Variants in LUZP4 observed in about 807,000 individuals in gnomAD.
LUZP4 encodes the protein leucine zipper protein 4, also known as HOM-TES-85 tumor antigen.
In LUZP4, 11 loss-of-function variants were observed where a neutral mutation model predicts 8.5. That is an observed-to-expected ratio of 1.30 (90% CI 0.82 to 2.14). The LOEUF (loss-of-function observed/expected upper bound fraction) is 2.14, where lower values mean the gene tolerates loss of function less well. LUZP4 is among the 30% of genes most tolerant of loss of function. The pLI is 0.00. For missense variants in LUZP4, 276 were observed against 229.7 expected (o/e 1.20, Z -1.30); for synonymous variants, 104 against 79.4 (o/e 1.31, Z -1.65).
chrX:115,300,718 G>A (rs1257158150), intron 1 of LUZP4, among the ~76,000 whole-genome samples: 1 of 111,218 alleles, frequency 9.0e-6, no homozygotes, highest in Non-Finnish European at 1.9e-5. Context: ...TAAATTCAAT[G>A]CCTCATGATT....
intron 1 of LUZP4, among the ~76,000 whole-genome samples, chrX:115,299,141 T>C (rs948100788): frequency 9.0e-6 from 1 of 111,426 alleles, no homozygotes; most frequent in Non-Finnish European, 1.9e-5. Flanking sequence ...TATTTTCTCC[T>C]AAACAAACAG....
intron 1 of LUZP4, 112 bp from the exon 2 acceptor site, chrX:115,301,880 C>A: frequency 2.6e-6 from 1 of 391,855 alleles, no homozygotes; most frequent in Non-Finnish European, 4.2e-6. Context: ...ATTTTTAGGG[C>A]TACCAGTTTT....
Position 115,306,635 on chromosome X carries a change from A to T in LUZP4, c.773A>T (p.Asp258Val). 1.7e-6 allele frequency: 2 copies of T among 1,210,830 alleles called. No homozygotes were observed. Among genetic ancestry groups the T allele is most frequent in the South Asian group, 3.5e-5 (2 of 56,906 alleles). The change falls in exon 4 of 4, where the codon GAT (aspartate) becomes GTT (valine). Residue 258 changes from aspartate (D) to valine (V), a missense_variant. Physicochemically the swap from Asp to Val is radical, Grantham distance 152. Coordinates refer to ENST00000371920, the MANE Select transcript of LUZP4 (RefSeq NM_016383.5). ...AGAGATCTCATAGCCACTCAGAAAG[A>T]TCTCATAGCCACTCAGAGAGATCTC... ...TQRDLIATQK[D>V]LIATQRDLIA...
chrX:115,304,551 G>C (rs2073411542), intron 3 of LUZP4, among the ~76,000 whole-genome samples: 1 of 111,004 alleles, frequency 9.0e-6, no homozygotes, highest in Non-Finnish European at 1.9e-5. Context: ...TCATTCTGTT[G>C]CGCAGGCTGG....
At chrX:115,292,435 T>C (rs1490064873) in intron 1 of LUZP4, among the ~76,000 whole-genome samples, 21 of 111,730 alleles carry the variant, frequency 1.9e-4, no homozygotes, top group African/African-American at 6.5e-4. Context: ...AGTTCATTGC[T>C]GGTATATGTA....
intron 1 of LUZP4, among the ~76,000 whole-genome samples, chrX:115,299,786 C>T (rs188260146): frequency 2.4e-4 from 27 of 111,495 alleles, no homozygotes; most frequent in African/African-American, 7.8e-4. Context: ...TTCTACCCTT[C>T]TGTAGCTGTG....
At chrX:115,300,364 A>G (rs782786428) in intron 1 of LUZP4, among the ~76,000 whole-genome samples, 5 of 112,694 alleles carry the variant, frequency 4.4e-5, no homozygotes, top group South Asian at 3.7e-4. Context: ...CACATAAAAT[A>G]CACTAACATT....
chrX:115,306,611 G>A lies in LUZP4; in HGVS notation c.749G>A (p.Arg250Lys), dbSNP rs181976775. The A allele has an allele frequency of 3.7e-4, 443 of 1,206,372 alleles. No homozygotes were observed. Among genetic ancestry groups the A allele is most frequent in the Admixed American group, 1.5e-3 (69 of 45,377 alleles). ...DTQSDLIATQ[R>K]DLIATQKDLI... ...CAGAGTGATCTCATAGCCACTCAGA[G>A]AGATCTCATAGCCACTCAGAAAGAT... Residue 250 changes from arginine to lysine, a missense_variant, in exon 4 of 4, where the codon AGA becomes AAA. Transcript: ENST00000371920.
In LUZP4 at chrX:115,306,994, A is replaced by G. The variant is rs2073426651; in HGVS notation, c.*190A>G. 2 of 452,251 alleles carry G rather than the reference A, an allele frequency of 4.4e-6. No homozygotes were observed. Among genetic ancestry groups the G allele is most frequent in the Non-Finnish European group, 7.5e-6 (2 of 267,914 alleles). 37.3% of individuals were successfully genotyped at this position (452,251 alleles called of 1,213,427 possible). The stretch of plus-strand genomic sequence containing the variant: ...CTAAGCTATCATCCAGTTACCCAGG[A>G]TGTCCCATTAAGTTGTTCCCGGTAG... On this transcript the variant is annotated 3_prime_UTR_variant, in exon 4 of 4. Coordinates refer to ENST00000371920, the MANE Select transcript of LUZP4 (RefSeq NM_016383.5).
intron 1 of LUZP4, among the ~76,000 whole-genome samples, chrX:115,293,945 C>T (rs782250513): frequency 1.2e-4 from 13 of 104,001 alleles, no homozygotes; most frequent in African/African-American, 4.1e-4. Context: ...AACTAGACTC[C>T]GTCTCAAAAA....
rs189249069 is a variant in LUZP4 at position 115,298,346 on chromosome X, C to T, written c.92-3646C>T. 8.0e-5 allele frequency among the ~76,000 whole-genome samples: 9 copies of T among 112,649 alleles called. No individual in the cohort carries two copies. In the East Asian group the frequency reaches 2.0e-3, roughly 25 times the overall value. On this transcript the variant is annotated intron_variant, in intron 1 of 3. Coordinates refer to ENST00000371920, the MANE Select transcript of LUZP4 (RefSeq NM_016383.5). ...CCTCCCAAAATGCTGGGAATACAGG[C>T]GTAAGCCACCACTCCCAACCCCTTT...
intron 1 of LUZP4, among the ~76,000 whole-genome samples, chrX:115,296,097 T>A (rs782202921): frequency 4.5e-5 from 5 of 112,134 alleles, no homozygotes; most frequent in Non-Finnish European, 9.4e-5. Context: ...TCCAGTGTTT[T>A]AAATATTTAA....
At position 115,307,135 on chromosome X, in the gene LUZP4, T is replaced by C. The variant is rs1202898801; in HGVS notation, c.*331T>C. The C allele has an allele frequency of 2.1e-5, 5 of 236,755 alleles. No homozygotes were observed. Among genetic ancestry groups the C allele is most frequent in the African/African-American group, 1.4e-4 (5 of 36,023 alleles). The allele number at this position is 236,755 out of a possible 1,213,427, so 19.5% of individuals were successfully genotyped here. Reference sequence around the variant, plus strand: ...CCTTGGACGTTCCAACTTGACTTAGTGTCCAGTGCCCCTTGGACATTCCAA... The same window carrying C: ...CCTTGGACGTTCCAACTTGACTTAGCGTCCAGTGCCCCTTGGACATTCCAA... On this transcript the variant is annotated 3_prime_UTR_variant, in exon 4 of 4. Coordinates refer to ENST00000371920, the MANE Select transcript of LUZP4 (RefSeq NM_016383.5).
chrX:115,298,679 C>T (rs1455201589), intron 1 of LUZP4, among the ~76,000 whole-genome samples: 1 of 111,956 alleles, frequency 8.9e-6, no homozygotes. Context: ...TTACATTTAT[C>T]TGATAGAATT....
chrX:115,305,547 T>C (rs782767800), intron 3 of LUZP4, among the ~76,000 whole-genome samples: 20 of 112,077 alleles, frequency 1.8e-4, no homozygotes, highest in Non-Finnish European at 3.6e-4. Flanking sequence ...CTTACATTTA[T>C]GTAGCATCAT....
At position 115,289,817 on chromosome X, in the gene LUZP4, C is replaced by G. The variant is rs782333271; in HGVS notation, c.58C>G (p.Arg20Gly). 6 of 1,207,604 alleles carry G rather than the reference C, an allele frequency of 5.0e-6. No individual in the cohort carries two copies. The South Asian group carries it at 1.1e-4, about 21-fold the overall frequency. The stretch of plus-strand genomic sequence containing the variant: ...AAAAGTGCCGCCAAATCATCCCAGT[C>G]GGAAAAAGGTTAACTTCCTAGATAT... The part of the protein sequence containing the change: ...SEKVPPNHPS[R>G]KKVNFLDMSL... The change falls in exon 1 of 4, where the codon CGG becomes GGG. Residue 20 changes from arginine to glycine, a missense_variant. Physicochemically the swap from Arg to Gly is moderately radical, Grantham distance 125. Transcript: ENST00000371920.
intron 1 of LUZP4, among the ~76,000 whole-genome samples, chrX:115,300,210 C>G (rs782347508): frequency 5.4e-5 from 6 of 111,356 alleles, no homozygotes; most frequent in African/African-American, 1.6e-4. Flanking sequence ...CTCAGTATGT[C>G]ATGTGGCCCC....
At chrX:115,295,161 G>T (rs2073365410) in intron 1 of LUZP4, among the ~76,000 whole-genome samples, 1 of 111,569 alleles carries the variant, frequency 9.0e-6, no homozygotes, top group African/African-American at 3.3e-5. Context: ...CTGCAGCCTG[G>T]ACCTCCCAGG....
intron 1 of LUZP4, among the ~76,000 whole-genome samples, chrX:115,301,297 T>C (rs782571364): frequency 8.9e-6 from 1 of 112,052 alleles, no homozygotes; most frequent in South Asian, 3.7e-4. Context: ...TGTAGACTCT[T>C]CCATTCTAAA....
Sources: gnomAD v4.1 joint callset for allele counts (sites outside exome capture counted in the v4.1 genomes callset) on GRCh38, gnomAD v4.1.1 for gene constraint, MANE v1.5 for transcripts, NCBI Gene and HGNC (gene_info 2026-07-23, HGNC 2026-07-21) for gene names.